GYG2: variants seen among roughly 807,000 people sequenced by gnomAD.
GYG2 encodes the protein glycogenin 2.
Under a neutral mutation model 29.4 loss-of-function variants are expected in GYG2, and 29 were observed. The observed-to-expected ratio is 0.99, with a 90% CI of 0.74 to 1.35. The LOEUF is 1.35. Ranked by LOEUF, GYG2 falls within the 40% of genes most tolerant of loss-of-function variation. The pLI, the probability that GYG2 is intolerant of heterozygous loss-of-function variation, is 0.00. For missense variants in GYG2, 370 were observed against 385.7 expected (o/e 0.96, Z 0.34); for synonymous variants, 167 against 172.3 (o/e 0.97, Z 0.24).
chrX:2,862,310 C>T (rs2088188961), intron 8 of GYG2, among the ~76,000 whole-genome samples: 2 of 111,679 alleles, frequency 1.8e-5, no homozygotes, highest in Admixed American at 1.9e-4. Context: ...TTCTGGCCCC[C>T]AGAACTATCA....
chrX:2,855,013 G>C lies in GYG2; in HGVS notation c.345G>C (p.Glu115Asp). The part of the protein sequence containing the change: ...ADTLVLSNVD[E>D]LFDRGEFSAA... ...ACCAGGTGCTGTCCAATGTCGATGA[G>C]CTGTTTGACAGGGGAGAGTTTTCTG... Residue 115 changes from glutamate to aspartate, a missense_variant, in exon 5 of 11, where the codon GAG becomes GAC. Coordinates refer to ENST00000398806, the MANE Select transcript of GYG2 (RefSeq NM_001079855.2). The C allele has an allele frequency of 8.3e-7, 1 of 1,211,695 alleles. No individual in the cohort carries two copies. Among genetic ancestry groups the C allele is most frequent in the Non-Finnish European group, 1.1e-6 (1 of 895,268 alleles).
At chrX:2,861,420 G>A in intron 7 of GYG2, 102 bp from the exon 8 acceptor site, 1 of 578,924 alleles carries the variant, frequency 1.7e-6, no homozygotes, top group East Asian at 3.5e-5. Flanking sequence ...GCAGATGGGA[G>A]CTGGGAGCCC....
At chrX:2,854,239 T>A in intron 4 of GYG2, 85 bp downstream of exon 4, 1 of 637,529 alleles carries the variant, frequency 1.6e-6, no homozygotes, top group Non-Finnish European at 2.4e-6. Flanking sequence ...TTTTTGTGTG[T>A]GTGTGACACA....
chrX:2,859,852 C>T lies in GYG2; in HGVS notation c.624C>T (p.Ser208=). Residue 208 remains serine, a synonymous_variant, in exon 7 of 11, where the codon TCC becomes TCT. Coordinates refer to ENST00000398806, the MANE Select transcript of GYG2 (RefSeq NM_001079855.2). The part of the protein sequence containing the change: ...TYSPAFKQFG[S]SAKVVHFLGS... The stretch of plus-strand genomic sequence containing the variant: ...TCTGTTTCCTTCTCAGATTCGGTTC[C>T]AGTGCAAAGGTCGTCCACTTTTTGG... 1 of 1,182,975 alleles carries T rather than the reference C, an allele frequency of 8.5e-7. No individual in the cohort carries two copies. Among genetic ancestry groups the T allele is most frequent in the South Asian group, 1.8e-5 (1 of 55,691 alleles).
At chrX:2,877,881 A>C in intron 10 of GYG2, 1 of 749,262 alleles carries the variant, frequency 1.3e-6, no homozygotes, top group Admixed American at 8.8e-5. Flanking sequence ...AACAATCAAT[A>C]CAGCTCTAGA....
chrX:2,844,603 C>T (rs1263763210), intron 3 of GYG2, among the ~76,000 whole-genome samples: 7 of 45,567 alleles, frequency 1.5e-4, no homozygotes, highest in Non-Finnish European at 1.5e-4. Context: ...TATACGCACA[C>T]GCATGCGTAT....
At chrX:2,850,408 G>A (rs1013876505) in intron 3 of GYG2, among the ~76,000 whole-genome samples, 1 of 111,720 alleles carries the variant, frequency 9.0e-6, no homozygotes, top group Non-Finnish European at 1.9e-5. Context: ...TTGAAAGGTG[G>A]TTACCACCAG....
intron 7 of GYG2, 59 bp downstream of exon 7, chrX:2,860,124 C>A: frequency 1.3e-6 from 1 of 755,298 alleles, no homozygotes; most frequent in Non-Finnish European, 1.9e-6. Context: ...TCCTTGTCAC[C>A]AAGGTCTGGC....
chrX:2,860,076 G>A lies in GYG2; in HGVS notation c.837+11G>A. 3 of 1,096,887 alleles carry A rather than the reference G, an allele frequency of 2.7e-6. No homozygotes were observed. Among genetic ancestry groups the A allele is most frequent in the East Asian group, 3.1e-5 (1 of 31,801 alleles). 90.4% of individuals were successfully genotyped at this position (1,096,887 alleles called of 1,213,427 possible). On this transcript the variant is annotated intron_variant, in intron 7 of 10. Transcript: ENST00000398806. ...TCTCCTGGTCACACAGTAAGTGGGG[G>A]ATTCCCTTAAAACCCGTAGCTGAGG...
intron 3 of GYG2, among the ~76,000 whole-genome samples, chrX:2,848,405 G>T (rs1199450132): frequency 9.0e-6 from 1 of 110,566 alleles, no homozygotes; most frequent in East Asian, 2.8e-4. Flanking sequence ...AACCAGGCGT[G>T]GTGGCGCCTG....
chrX:2,842,335 C>T (rs1027919362), intron 2 of GYG2, among the ~76,000 whole-genome samples: 65 of 107,918 alleles, frequency 6.0e-4, no homozygotes, highest in South Asian at 4.4e-4. Flanking sequence ...GCTAGGACTA[C>T]GGGCATGCAC....
intron 3 of GYG2, among the ~76,000 whole-genome samples, chrX:2,847,751 A>T (rs983260072): frequency 1.0e-5 from 1 of 96,718 alleles, no homozygotes. Flanking sequence ...AATAAATAAA[A>T]ATCCACATAG....
At chrX:2,853,160 G>A (rs183355745) in intron 3 of GYG2, among the ~76,000 whole-genome samples, 5 of 111,216 alleles carry the variant, frequency 4.5e-5, no homozygotes, top group Non-Finnish European at 9.4e-5. Flanking sequence ...AATTACAGGC[G>A]CCCACCAGCA....
chrX:2,853,987 C>A lies in GYG2; in HGVS notation c.157C>A (p.Leu53Ile). The A allele has an allele frequency of 8.3e-7, 1 of 1,198,029 alleles. No homozygotes were observed. The highest frequency in any genetic ancestry group is 1.1e-6 in the Non-Finnish European group (1 of 883,474). ...GGCACATGTCTGTTCCAGGGTCATC[C>A]TCTCGAAGGTGTTCGATGAAGTCAT... ...PQVSSLLRVI[L>I]SKVFDEVIEV... Residue 53 changes from leucine to isoleucine, a missense_variant, in exon 4 of 11, where the codon CTC becomes ATC. Physicochemically the swap from Leu to Ile is conservative, Grantham distance 5 (BLOSUM62 2). Coordinates refer to ENST00000398806, the MANE Select transcript of GYG2 (RefSeq NM_001079855.2).
At position 2,844,497 on chromosome X, in the gene GYG2, T is replaced by C. The variant is rs73632942; in HGVS notation, c.149+1143T>C. 8.3e-3 allele frequency among the ~76,000 whole-genome samples: 868 copies of C among 104,965 alleles called. 17 individuals are homozygous for C. Among genetic ancestry groups the C allele is most frequent in the Admixed American group, 0.041 (385 of 9,502 alleles). 91.1% of individuals were successfully genotyped at this position (104,965 alleles called of 115,157 possible). A position where few individuals can be genotyped will look rare whatever the true frequency, so the allele number is the denominator to read the frequency against. ...GCATATATATGTGTATATGCACGCG[T>C]GTGCGTATATATGTGTATACGCACA... is the stretch of plus-strand genomic sequence containing the variant. On this transcript the variant is annotated intron_variant, in intron 3 of 10. Coordinates refer to ENST00000398806, the MANE Select transcript of GYG2 (RefSeq NM_001079855.2).
At chrX:2,839,918 C>T (rs1246534197) in intron 2 of GYG2, among the ~76,000 whole-genome samples, 1 of 112,362 alleles carries the variant, frequency 8.9e-6, no homozygotes, top group Non-Finnish European at 1.9e-5. Context: ...GTAATGGGTA[C>T]AGGGCCTCCT....
At chrX:2,860,663 T>C (rs1304339309) in intron 7 of GYG2, among the ~76,000 whole-genome samples, 1 of 79,983 alleles carries the variant, frequency 1.3e-5, no homozygotes, top group Non-Finnish European at 2.6e-5. Flanking sequence ...TTTTTTTTTT[T>C]AACTAGAGCA....
At chrX:2,858,592 G>T (rs1341521439) in intron 6 of GYG2, among the ~76,000 whole-genome samples, 2 of 112,020 alleles carry the variant, frequency 1.8e-5, no homozygotes, top group African/African-American at 3.2e-5. Flanking sequence ...TGAAAATAGA[G>T]AATCTGAGAA....
At chrX:2,843,843 C>T (rs183349953) in intron 3 of GYG2, among the ~76,000 whole-genome samples, 74 of 111,409 alleles carry the variant, frequency 6.6e-4, no homozygotes, top group Admixed American at 3.8e-4. Flanking sequence ...GGTTTCGCCA[C>T]GTTGCCTAGG....
Sources: allele counts gnomAD v4.1 joint callset (sites outside exome capture counted in the v4.1 genomes callset), GRCh38; gene constraint gnomAD v4.1.1; transcripts MANE v1.5; gene names NCBI Gene and HGNC (gene_info 2026-07-23, HGNC 2026-07-21).